B3GALT1: variants seen among roughly 807,000 people sequenced by gnomAD.
The protein encoded by B3GALT1 is UDP-Gal:betaGlcNAc beta 1,3-galactosyltransferase, polypeptide 1.
B3GALT1 carries 10 observed loss-of-function variants against 23.2 expected under a neutral mutation model. The observed-to-expected ratio is 0.43, with a 90% CI of 0.27 to 0.73. The LOEUF (loss-of-function observed/expected upper bound fraction) is 0.73. B3GALT1 is among the 30% of genes least tolerant of loss of function. The pLI is 0.21. For synonymous variants in B3GALT1, 156 were observed against 141.5 expected, an observed-to-expected ratio of 1.10 and a Z score of -0.73; for missense variants, 299 against 405.4, an observed-to-expected ratio of 0.74 and a Z score of 2.25.
At chr2:167,559,880 T>C (rs985687306) in intron 2 of B3GALT1, among the ~76,000 whole-genome samples, 1 of 152,198 alleles carries the variant, frequency 6.6e-6, no homozygotes, top group Non-Finnish European at 1.5e-5. Flanking sequence ...GAAAACACTC[T>C]GCAGGATGTT....
chr2:167,394,756 A>G (rs115685413), intron 1 of B3GALT1, among the ~76,000 whole-genome samples: 2,128 of 152,320 alleles, frequency 0.014, 46 homozygotes, highest in African/African-American at 0.048. Context: ...AGAGACCAGA[A>G]GACAAAATTG....
chr2:167,335,323 G>C (rs576007458), intron 1 of B3GALT1, among the ~76,000 whole-genome samples: 7 of 152,150 alleles, frequency 4.6e-5, no homozygotes, highest in Non-Finnish European at 7.3e-5. Flanking sequence ...CTAGGTTACA[G>C]TTCATCCACA....
At chr2:167,343,513 G>T (rs1427946633) in intron 1 of B3GALT1, among the ~76,000 whole-genome samples, 4 of 152,124 alleles carry the variant, frequency 2.6e-5, no homozygotes, top group African/African-American at 9.7e-5. Context: ...AATGTCAGAA[G>T]GAACCAGGCT....
intron 2 of B3GALT1, chr2:167,631,470 T>C (rs1685443354): frequency 6.6e-6 from 1 of 151,838 alleles, no homozygotes; most frequent in African/African-American, 2.4e-5. Context: ...ACCCAATAGA[T>C]AAGTATTTTT....
chr2:167,571,303 G>A (rs796079368), intron 2 of B3GALT1, among the ~76,000 whole-genome samples: 15 of 151,998 alleles, frequency 9.9e-5, no homozygotes, highest in African/African-American at 3.4e-4. Context: ...TGGCTCAAAC[G>A]TGCACCTCTC....
chr2:167,597,677 T>C (rs558266995), intron 2 of B3GALT1, among the ~76,000 whole-genome samples: 24 of 152,308 alleles, frequency 1.6e-4, no homozygotes, highest in African/African-American at 5.5e-4. Context: ...ATGAGGTATT[T>C]TGAAGCAAAC....
chr2:167,806,499 C>G (rs1688757198), intron 3 of B3GALT1, among the ~76,000 whole-genome samples: 1 of 152,232 alleles, frequency 6.6e-6, no homozygotes, highest in South Asian at 2.1e-4. Flanking sequence ...CCCATCAATA[C>G]CTAACTTATT....
chr2:167,567,169 G>C (rs899931891), intron 2 of B3GALT1, among the ~76,000 whole-genome samples: 8 of 152,128 alleles, frequency 5.3e-5, no homozygotes, highest in Non-Finnish European at 7.4e-5. Context: ...TGAGGAGAGT[G>C]TGGCTGTATA....
At chr2:167,395,471 T>A (rs764231820) in intron 1 of B3GALT1, among the ~76,000 whole-genome samples, 11 of 152,138 alleles carry the variant, frequency 7.2e-5, no homozygotes, top group Non-Finnish European at 1.0e-4. Flanking sequence ...CAATGGCTCC[T>A]AGTAGCTGGA....
chr2:167,848,046 T>G (rs1689797976), intron 4 of B3GALT1, among the ~76,000 whole-genome samples: 1 of 151,988 alleles, frequency 6.6e-6, no homozygotes, highest in Non-Finnish European at 1.5e-5. Flanking sequence ...TCAGGAAGAA[T>G]TAGATACCCT....
At chr2:167,464,391 G>C (rs1284932678) in intron 1 of B3GALT1, among the ~76,000 whole-genome samples, 2 of 152,110 alleles carry the variant, frequency 1.3e-5, no homozygotes, top group Non-Finnish European at 2.9e-5. Context: ...TTTCCTGTAA[G>C]AAGTTAAAAT....
intron 4 of B3GALT1, among the ~76,000 whole-genome samples, chr2:167,821,501 C>G (rs1346727095): frequency 7.3e-6 from 1 of 136,718 alleles, no homozygotes; most frequent in Non-Finnish European, 1.5e-5. Flanking sequence ...ATGGCGTGAT[C>G]TCTGCTTACT....
intron 3 of B3GALT1, among the ~76,000 whole-genome samples, chr2:167,672,065 C>A (rs1686339343): frequency 6.6e-6 from 1 of 152,022 alleles, no homozygotes; most frequent in Admixed American, 6.6e-5. Flanking sequence ...GTCACTGTTG[C>A]TGAATTTGTC....
intron 3 of B3GALT1, among the ~76,000 whole-genome samples, chr2:167,654,950 C>T (rs1685932666): frequency 6.6e-6 from 1 of 151,888 alleles, no homozygotes; most frequent in Non-Finnish European, 1.5e-5. Flanking sequence ...AATGAAGGCC[C>T]ATGTAAGAGA....
intron 3 of B3GALT1, among the ~76,000 whole-genome samples, chr2:167,788,970 G>A (rs567370497): frequency 6.6e-6 from 1 of 152,100 alleles, no homozygotes; most frequent in South Asian, 2.1e-4. Flanking sequence ...AGGGTCAGTG[G>A]TCCCTTGGCA....
At position 167,408,869 on chromosome 2, in the gene B3GALT1, G is replaced by GAC. The variant is rs1223782950; in HGVS notation, c.-510-81298_-510-81297dup. ...AGCTCTGTTTAAAGAAATTGAAGAA[G>GAC]ACACACACACAAAATGGAAAGATAT... On this transcript the variant is annotated intron_variant, in intron 1 of 4. Coordinates refer to ENST00000392690, the MANE Select transcript of B3GALT1 (RefSeq NM_020981.4). Among the ~76,000 whole-genome samples, 25 of 148,436 alleles carry GAC rather than the reference G, an allele frequency of 1.7e-4. No homozygotes were observed. In the South Asian group the frequency reaches 2.1e-3, roughly 13 times the overall value.
chr2:167,526,665 AG>A (rs1315208700), intron 2 of B3GALT1, among the ~76,000 whole-genome samples: 1 of 152,230 alleles, frequency 6.6e-6, no homozygotes, highest in Non-Finnish European at 1.5e-5. Context: ...ACTCATGCAT[AG>A]GAGTGCTTAC....
At chr2:167,663,133 A>T (rs1391723461) in intron 3 of B3GALT1, among the ~76,000 whole-genome samples, 1 of 106,616 alleles carries the variant, frequency 9.4e-6, no homozygotes, top group African/African-American at 3.8e-5. Flanking sequence ...CAACAGTCCC[A>T]AGAGTGTGAT....
At chr2:167,644,915 C>T (rs1685719248) in intron 2 of B3GALT1, among the ~76,000 whole-genome samples, 1 of 152,040 alleles carries the variant, frequency 6.6e-6, no homozygotes, top group African/African-American at 2.4e-5. Context: ...AAGCTTAGCA[C>T]CATTCAGACT....
Sources: gnomAD v4.1 joint callset for allele counts (sites outside exome capture counted in the v4.1 genomes callset) on GRCh38, gnomAD v4.1.1 for gene constraint, MANE v1.5 for transcripts, NCBI Gene and HGNC (gene_info 2026-07-23, HGNC 2026-07-21) for gene names.